The following GET1 variants were observed in gnomAD, a reference collection of about 807,000 sequenced individuals.
GET1 encodes the protein congenital heart disease 5 protein.
A neutral mutation model predicts 22.6 loss-of-function variants in GET1; 20 were observed. That is an observed-to-expected ratio of 0.89 (90% CI 0.62 to 1.29). The LOEUF is 1.29. GET1 is among the 50% of genes most tolerant of loss of function. The probability of loss-of-function intolerance (pLI) is 0.00; values close to 1 mark genes in which losing one functional copy is unlikely to be tolerated. For missense variants in GET1, 209 were observed against 219.9 expected (o/e 0.95, Z 0.31); for synonymous variants, 92 against 83.8 (o/e 1.10, Z -0.53).
At chr21:39,395,218 A>G (rs897296029) in intron 4 of GET1, among the ~76,000 whole-genome samples, 1 of 152,004 alleles carries the variant, frequency 6.6e-6, no homozygotes, top group Non-Finnish European at 1.5e-5. Flanking sequence ...TCATTTAGAT[A>G]TCTCATTTGC....
intron 2 of GET1, chr21:39,391,460 A>C: frequency 3.0e-6 from 1 of 338,212 alleles, no homozygotes; most frequent in South Asian, 2.6e-5. Flanking sequence ...AATAAGGAGG[A>C]AAATTTAGTC....
At chr21:39,424,397 C>G (rs1356788077) in intron 1 of GET1, among the ~76,000 whole-genome samples, 1 of 152,120 alleles carries the variant, frequency 6.6e-6, no homozygotes, top group African/African-American at 2.4e-5. Flanking sequence ...GGGAGGATCC[C>G]TTGAGCCCAG....
chr21:39,414,742 CTGTGTGTGTGTG>C (rs66478742), intron 1 of GET1, among the ~76,000 whole-genome samples: 17 of 99,180 alleles, frequency 1.7e-4, no homozygotes, highest in Admixed American at 9.1e-4. Flanking sequence ...CTCTCTCTCT[CTGTGTGTGTGTG>C]TGTGTGTGTG....
chr21:39,393,118 G>T (rs1256963389), intron 3 of GET1, 48 bp from the exon 4 acceptor site: 1 of 1,494,980 alleles, frequency 6.7e-7, no homozygotes, highest in East Asian at 2.3e-5. Flanking sequence ...CTGTGTGGTC[G>T]GTTGTGTGAT....
At chr21:39,420,887 A>T in intron 1 of GET1, 1 of 1,515,190 alleles carries the variant, frequency 6.6e-7, no homozygotes, top group Non-Finnish European at 9.1e-7. Context: ...CCAAGTTAGT[A>T]TGTTAAAAAC....
At chr21:39,410,137 C>A (rs1395112415), downstream of GET1, 3 of 1,398,470 alleles carry the variant, frequency 2.1e-6, no homozygotes, top group Admixed American at 1.7e-5. Flanking sequence ...TTTGGGGGGT[C>A]TAGATAACTT....
At chr21:39,392,682 C>T (rs925582202) in intron 3 of GET1, among the ~76,000 whole-genome samples, 3 of 152,114 alleles carry the variant, frequency 2.0e-5, no homozygotes, top group Admixed American at 6.5e-5. Context: ...CTCACCTCTG[C>T]GTCCCTTGCT....
chr21:39,418,539 C>T (rs1321470128), intron 1 of GET1, among the ~76,000 whole-genome samples: 3 of 151,962 alleles, frequency 2.0e-5, no homozygotes, highest in East Asian at 3.9e-4. Context: ...CTCACTCTGT[C>T]ACCCAGGGTG....
chr21:39,420,336 A>G (rs979756491), intron 1 of GET1, among the ~76,000 whole-genome samples: 1 of 152,162 alleles, frequency 6.6e-6, no homozygotes, highest in Non-Finnish European at 1.5e-5. Context: ...AGCCTGGCCA[A>G]CACGGCAAAA....
intron 4 of GET1, among the ~76,000 whole-genome samples, chr21:39,405,156 A>C (rs1196630389): frequency 6.6e-6 from 1 of 151,362 alleles, no homozygotes; most frequent in Non-Finnish European, 1.5e-5. Flanking sequence ...TAGTAAAAAG[A>C]GTCTTTTGAT....
At chr21:39,396,585 G>T (rs767000704) in intron 4 of GET1, among the ~76,000 whole-genome samples, 3 of 151,404 alleles carry the variant, frequency 2.0e-5, no homozygotes, top group Non-Finnish European at 4.4e-5. Context: ...TACTCGGGAG[G>T]CTGAGGCAGG....
In GET1 at chr21:39,389,666, G is replaced by T. The variant is rs111226667; in HGVS notation, c.103-1032G>T. Among the ~76,000 whole-genome samples, 362 of 152,230 alleles carry T rather than the reference G, an allele frequency of 2.4e-3. 3 individuals are homozygous for T. Among genetic ancestry groups the T allele is most frequent in the African/African-American group, 8.0e-3 (334 of 41,550 alleles). ...CCTCACCCTACAGACCCTGACTCCTGTGTCAGGCTGCCCTTTCTTGGGGAC... is the reference window on the plus strand; with the variant it reads ...CCTCACCCTACAGACCCTGACTCCTTTGTCAGGCTGCCCTTTCTTGGGGAC... On this transcript the variant is annotated intron_variant, in intron 1 of 4. Coordinates refer to ENST00000649170, the MANE Select transcript of GET1 (RefSeq NM_004627.6).
intron 1 of GET1, chr21:39,420,831 G>GTT (rs1569093755): frequency 6.2e-7 from 1 of 1,612,646 alleles, no homozygotes; most frequent in Admixed American, 1.7e-5. Flanking sequence ...AACCTCAGTT[G>GTT]TTTTTCCAAG....
intron 1 of GET1, among the ~76,000 whole-genome samples, chr21:39,420,379 C>A (rs540606906): frequency 6.6e-6 from 1 of 152,024 alleles, no homozygotes; most frequent in African/African-American, 2.4e-5. Context: ...AAAAATTAGC[C>A]AAGCGTGGTG....
At chr21:39,380,935 G>GGCA in intron 1 of GET1, 2 of 187,976 alleles carry the variant, frequency 1.1e-5, no homozygotes, top group Non-Finnish European at 9.8e-6. Flanking sequence ...GGTAGGGTGG[G>GGCA]AGACAGGTGT....
At position 39,380,481 on chromosome 21, in the gene GET1, T is replaced by G. The variant is rs766120016; in HGVS notation, c.97T>G (p.Ser33Ala). 17 of 1,611,516 alleles carry G rather than the reference T, an allele frequency of 1.1e-5. No individual in the cohort carries two copies. The South Asian group carries it at 1.3e-4, about 13-fold the overall frequency. ...VLRILLPSFS[S>A]FMSRVLQKDA... ...TAGGATCCTCCTCCCGTCCTTCTCA[T>G]CCTTCGTAAGTGGCTGCCTGGCCTC... Residue 33 changes from serine (S) to alanine (A), a missense_variant, in exon 1 of 5, where the codon TCC (serine) becomes GCC (alanine). By Grantham distance (99) the Ser-to-Ala change is moderately conservative. Coordinates refer to ENST00000649170, the MANE Select transcript of GET1 (RefSeq NM_004627.6).
chr21:39,416,157 G>A (rs2837017), intron 1 of GET1, among the ~76,000 whole-genome samples: 34,970 of 152,056 alleles, frequency 0.23, 4,371 homozygotes, highest in African/African-American at 0.33. Flanking sequence ...CTGAGGAGTC[G>A]TTCATACAGG....
At chr21:39,402,554 C>T (rs1304625554), downstream of GET1, among the ~76,000 whole-genome samples, 1 of 152,218 alleles carries the variant, frequency 6.6e-6, no homozygotes, top group Non-Finnish European at 1.5e-5. Context: ...TCGGCAAATG[C>T]CCTTTAGGCA....
rs760331078 is a variant in GET1, at chr21:39,428,388, CT to C, written c.*181del. On this transcript the variant is annotated 3_prime_UTR_variant, in exon 2 of 2. Coordinates refer to the GET1 transcript ENST00000478273. ...GCATTACTGTTCCGTGAAAAATCGC[CT>C]GTGCCTGGGCTTCTCTTGCATGCTG... The C allele has an allele frequency of 8.8e-5, 142 of 1,613,322 alleles. No individual in the cohort carries two copies. The Middle Eastern group carries it at 2.1e-3, about 24-fold the overall frequency.
Sources: allele counts gnomAD v4.1 joint callset (sites outside exome capture counted in the v4.1 genomes callset), GRCh38; gene constraint gnomAD v4.1.1; transcripts MANE v1.5; gene names NCBI Gene and HGNC (gene_info 2026-07-23, HGNC 2026-07-21).